WDR74: variants seen among roughly 807,000 people sequenced by gnomAD.
The protein encoded by WDR74 is WD repeat domain 74.
Under a neutral mutation model 45.6 loss-of-function variants are expected in WDR74, and 31 were observed. That is an observed-to-expected ratio of 0.68 (90% confidence interval 0.51 to 0.92). The LOEUF is 0.92. Among genes scored for constraint, WDR74 ranks in the 40% least tolerant of loss-of-function variants. The pLI is 0.00. For missense variants in WDR74, 455 were observed against 497.2 expected (o/e 0.92, Z 0.81); for synonymous variants, 191 against 192.4 (o/e 0.99, Z 0.06).
upstream of WDR74, chr11:62,841,739 G>C (rs556826866): frequency 1.1e-4 from 17 of 152,144 alleles, no homozygotes; most frequent in South Asian, 4.1e-4. Flanking sequence ...CTCGGATAGA[G>C]GACGTATCAG....
intron 6 of WDR74, chr11:62,834,741 C>A: frequency 1.8e-6 from 1 of 550,746 alleles, no homozygotes; most frequent in Non-Finnish European, 3.2e-6. Context: ...GGAGAGGTCC[C>A]CTAGGTTGGA....
At chr11:62,833,721 A>G (rs764571908) in intron 9 of WDR74, 47 bp from the exon 10 acceptor site, 18 of 1,587,724 alleles carry the variant, frequency 1.1e-5, no homozygotes, top group Non-Finnish European at 1.5e-5. Flanking sequence ...CTGAGACAGA[A>G]ACATGAACGG....
At chr11:62,841,686 C>CT (rs1555011988), upstream of WDR74, 3 of 151,962 alleles carry the variant, frequency 2.0e-5, no homozygotes, top group Admixed American at 1.3e-4. Flanking sequence ...GAGCAAGCTC[C>CT]TATTCCATCT....
chr11:62,839,773 A>T (rs574627547), upstream of WDR74: 8 of 674,860 alleles, frequency 1.2e-5, no homozygotes, highest in South Asian at 1.4e-4. Flanking sequence ...ATCATTTTGC[A>T]CTTGGGGGTG....
At chr11:62,834,402 C>CCCCCCCCCCCCCCCCCAAAA in intron 7 of WDR74, 25 bp downstream of exon 7, 1 of 1,598,026 alleles carries the variant, frequency 6.3e-7, no homozygotes, top group South Asian at 1.1e-5. Context: ...CCCACCCTCC[C>CCCCCCCCCCCCCCCCCAAAA]ACCCCTTCCC....
intron 3 of WDR74, among the ~76,000 whole-genome samples, chr11:62,837,275 C>T (rs1033328715): frequency 6.6e-6 from 1 of 151,950 alleles, no homozygotes; most frequent in Non-Finnish European, 1.5e-5. Flanking sequence ...GGCGGATTGC[C>T]TGAGGTCAGG....
intron 9 of WDR74, 23 bp downstream of exon 9, chr11:62,833,769 T>G (rs376449984): frequency 3.4e-5 from 55 of 1,611,452 alleles, no homozygotes; most frequent in Non-Finnish European, 3.6e-5. Context: ...GACCATGAGT[T>G]GGAGGTGGGA....
Position 62,833,934 on chromosome 11 carries a change from C to T in WDR74, c.779G>A (p.Arg260His), listed in dbSNP as rs370706053. Residue 260 changes from arginine to histidine, a missense_variant, in exon 9 of 11, where the codon CGT becomes CAT. Physicochemically the swap from Arg to His is conservative, Grantham distance 29 (BLOSUM62 0). Transcript: ENST00000278856. ...QLAEIDLRQG[R>H]LLGCLKGLAG... ...CAGCCCCTTCAGACAGCCCAGTAGA[C>T]GCCCTAGAGAAGGGGGGAAGCATCC... 1.0e-4 allele frequency: 161 copies of T among 1,613,338 alleles called. No individual in the cohort carries two copies. The Middle Eastern group carries it at 1.2e-3, about 12-fold the overall frequency.
intron 6 of WDR74, 145 bp from the exon 7 acceptor site, chr11:62,834,672 TCTC>T (rs2084932729): frequency 1.5e-6 from 1 of 685,974 alleles, no homozygotes; most frequent in Admixed American, 2.9e-5. Flanking sequence ...GTATGCCTCT[TCTC>T]TGAGCATCAG....
upstream of WDR74, among the ~76,000 whole-genome samples, chr11:62,841,396 G>A (rs534798040): frequency 2.6e-5 from 4 of 151,722 alleles, no homozygotes; most frequent in South Asian, 6.3e-4. Flanking sequence ...AACTACCCCA[G>A]AGGCTGAAGT....
Position 62,833,632 on chromosome 11 carries a change from T to G in WDR74, c.964A>C (p.Arg322=), listed in dbSNP as rs1273753169. 6.4e-7 allele frequency: 1 copy of G among 1,552,390 alleles called. No homozygotes were observed. Among genetic ancestry groups the G allele is most frequent in the Non-Finnish European group, 8.7e-7 (1 of 1,147,342 alleles). Residue 322 remains arginine (R), a synonymous_variant, in exon 10 of 11, where the codon AGG becomes CGG. Coordinates refer to ENST00000278856, the MANE Select transcript of WDR74 (RefSeq NM_001369450.1). ...SQLNCLLLSG[R]DNWEDEPQEP... Reference sequence around the variant, plus strand: ...CAACTGCTCACCTCCCAGTTGTCCCTGCCTGACAAGAGGAGGCAGTTCAAT... The same window carrying G: ...CAACTGCTCACCTCCCAGTTGTCCCGGCCTGACAAGAGGAGGCAGTTCAAT...
rs761711065 is a variant in WDR74, at chr11:62,839,328, C to T, written c.165G>A (p.Glu55=). The part of the protein sequence containing the change: ...VSALCWGTGG[E]TQMLVGCADR... ...CCGACCAGGGGCCACTCACCTGGGT[C>T]TCGCCGCCGGTGCCCCAACACAGGG... is the stretch of plus-strand genomic sequence containing the variant. Residue 55 remains glutamate, a synonymous_variant, in exon 2 of 11, where the codon GAG becomes GAA. Coordinates refer to ENST00000278856, the MANE Select transcript of WDR74 (RefSeq NM_001369450.1). 1.9e-6 allele frequency: 3 copies of T among 1,610,718 alleles called. No individual in the cohort carries two copies. The highest frequency in any genetic ancestry group is 2.2e-5 in the East Asian group (1 of 44,874).
intron 6 of WDR74, 75 bp from the exon 7 acceptor site, chr11:62,834,602 C>A: frequency 5.6e-6 from 7 of 1,246,064 alleles, no homozygotes; most frequent in South Asian, 4.1e-5. Context: ...ATCCTCACCC[C>A]CTCCCTGCAC....
chr11:62,841,626 G>GT (rs1168622359), upstream of WDR74: 6 of 152,226 alleles, frequency 3.9e-5, no homozygotes, highest in Non-Finnish European at 7.3e-5. Flanking sequence ...AAGGGAGAGT[G>GT]CACCGTTCCT....
At position 62,839,447 on chromosome 11, in the gene WDR74, A is replaced by G. The variant is rs1282071666; in HGVS notation, c.65-19T>C. 5 of 1,613,564 alleles carry G rather than the reference A, an allele frequency of 3.1e-6. No individual in the cohort carries two copies. The highest frequency in any genetic ancestry group is 4.2e-6 in the Non-Finnish European group (5 of 1,179,866). On this transcript the variant is annotated intron_variant, in intron 1 of 10. Coordinates refer to ENST00000278856, the MANE Select transcript of WDR74 (RefSeq NM_001369450.1). ...TTTACCCCTGAGAGACGAAGGCGTC[A>G]GTCACGCCAGGGGCGCGAGTGCACC...
intron 4 of WDR74, 29 bp downstream of exon 4, chr11:62,835,932 C>T (rs747827129): frequency 6.3e-7 from 1 of 1,585,856 alleles, no homozygotes; most frequent in South Asian, 1.1e-5. Flanking sequence ...AGCCCACCTC[C>T]CCCAACCATC....
chr11:62,834,177 C>T (rs1324923453), intron 8 of WDR74, 99 bp downstream of exon 8: 45 of 1,561,376 alleles, frequency 2.9e-5, no homozygotes, highest in Non-Finnish European at 3.9e-5. Flanking sequence ...AATCTGGCAC[C>T]TGAATGAGGC....
chr11:62,836,957 T>G (rs745892259), intron 3 of WDR74, among the ~76,000 whole-genome samples: 1 of 152,026 alleles, frequency 6.6e-6, no homozygotes, highest in Non-Finnish European at 1.5e-5. Context: ...ATGCCTGTAG[T>G]CCTAGCTACT....
chr11:62,833,804 A>G lies in WDR74; in HGVS notation c.909T>C (p.Gly303=), dbSNP rs1199646449. 1 of 1,613,420 alleles carries G rather than the reference A, an allele frequency of 6.2e-7. No individual in the cohort carries two copies. Among genetic ancestry groups the G allele is most frequent in the Non-Finnish European group, 8.5e-7 (1 of 1,179,778 alleles). The change falls in exon 9 of 11, where the codon GGT becomes GGC. Residue 303 remains glycine, a synonymous_variant. Transcript: ENST00000278856. ...AGAGACAACTTACCTTATGCTCCAG[A>G]CCCCGTGGATTCTGGATCCTGTGTA... ...LRIHRIQNPR[G]LEHKVYLKSQ...
Sources: allele counts gnomAD v4.1 joint callset (sites outside exome capture counted in the v4.1 genomes callset), GRCh38; gene constraint gnomAD v4.1.1; transcripts MANE v1.5; gene names NCBI Gene and HGNC (gene_info 2026-07-23, HGNC 2026-07-21).